The following PARD3B variants were observed in gnomAD, a reference collection of about 807,000 sequenced individuals.
PARD3B encodes partitioning defective 3 homolog B.
A neutral mutation model predicts 130.2 loss-of-function variants in PARD3B; 103 were observed. The observed-to-expected ratio is 0.79, with a 90% CI of 0.67 to 0.93. PARD3B has a LOEUF of 0.93. PARD3B is among the 40% of genes least tolerant of loss of function. The probability of loss-of-function intolerance (pLI) is 0.00; values close to 1 mark genes in which losing one functional copy is unlikely to be tolerated. For synonymous variants in PARD3B, 583 were observed against 553.2 expected, an observed-to-expected ratio of 1.05 and a Z score of -0.76; for missense variants, 1,609 against 1,499.2, an observed-to-expected ratio of 1.07 and a Z score of -1.21.
At chr2:205,531,129 A>G (rs2051571325) in intron 21 of PARD3B, among the ~76,000 whole-genome samples, 2 of 152,216 alleles carry the variant, frequency 1.3e-5, no homozygotes, top group African/African-American at 4.8e-5. Flanking sequence ...CTTCCAACGT[A>G]TGGAAGGGAC....
At chr2:204,712,224 A>C (rs1273166706) in intron 2 of PARD3B, among the ~76,000 whole-genome samples, 1 of 152,220 alleles carries the variant, frequency 6.6e-6, no homozygotes, top group East Asian at 1.9e-4. Flanking sequence ...TCTGCGAAGA[A>C]AGTTTGAACA....
intron 16 of PARD3B, among the ~76,000 whole-genome samples, chr2:205,289,108 T>C (rs1430043302): frequency 6.6e-6 from 1 of 152,220 alleles, no homozygotes; most frequent in African/African-American, 2.4e-5. Flanking sequence ...AGCATGTTAC[T>C]TCTTCATGAA....
intron 2 of PARD3B, among the ~76,000 whole-genome samples, chr2:204,728,346 C>T (rs2039333271): frequency 6.6e-6 from 1 of 152,046 alleles, no homozygotes; most frequent in Non-Finnish European, 1.5e-5. Context: ...TTAAGGAAGA[C>T]AAGGGCTTCA....
intron 2 of PARD3B, among the ~76,000 whole-genome samples, chr2:204,802,230 A>C (rs546690181): frequency 6.6e-6 from 1 of 152,348 alleles, no homozygotes; most frequent in African/African-American, 2.4e-5. Flanking sequence ...GCCAATAAAC[A>C]TATGAACAAA....
rs902661497 is a variant in PARD3B at position 205,498,268 on chromosome 2, G to A, written c.3045-1628G>A. ...TGTAATCCCAGTACTTTGGGAGGCC[G>A]AGGCGAGTGGATCACCTGAGGTCAG... On this transcript the variant is annotated intron_variant, in intron 20 of 22. Coordinates refer to ENST00000406610, the MANE Select transcript of PARD3B (RefSeq NM_001302769.2). Among the ~76,000 whole-genome samples, 15 of 151,496 alleles carry A rather than the reference G, an allele frequency of 9.9e-5. 1 individual carries two copies. The highest frequency in any genetic ancestry group is 4.6e-4 in the Admixed American group (7 of 15,232).
intron 18 of PARD3B, among the ~76,000 whole-genome samples, chr2:205,311,826 G>C (rs1309536766): frequency 1.3e-5 from 2 of 152,182 alleles, no homozygotes; most frequent in Non-Finnish European, 2.9e-5. Flanking sequence ...AATACAAATA[G>C]AAAGGGTCTC....
chr2:204,855,877 G>T (rs1475791255), intron 2 of PARD3B, among the ~76,000 whole-genome samples: 1 of 152,104 alleles, frequency 6.6e-6, no homozygotes, highest in African/African-American at 2.4e-5. Flanking sequence ...CCAAAGGATG[G>T]AATTTTTCTC....
chr2:205,368,957 T>G (rs1002487084), intron 18 of PARD3B, among the ~76,000 whole-genome samples: 1 of 152,182 alleles, frequency 6.6e-6, no homozygotes, highest in Admixed American at 6.5e-5. Flanking sequence ...CAAAAGTTAG[T>G]GTGCTTCATA....
At position 205,586,087 on chromosome 2, in the gene PARD3B, G is replaced by A. The variant is rs949023041; in HGVS notation, c.3261-29369G>A. Among the ~76,000 whole-genome samples the A allele has an allele frequency of 1.1e-4, 16 of 152,324 alleles. No homozygotes were observed. In the East Asian group the frequency reaches 2.7e-3, roughly 26 times the overall value. The stretch of plus-strand genomic sequence containing the variant: ...TAGTGTGTATTTATTTGCAATATAA[G>A]TAAGTTCATGATTTACCCATCTTGA... On this transcript the variant is annotated intron_variant, in intron 22 of 22. Transcript: ENST00000406610.
intron 21 of PARD3B, among the ~76,000 whole-genome samples, chr2:205,534,130 A>C (rs2051731595): frequency 6.6e-6 from 1 of 151,916 alleles, no homozygotes; most frequent in Non-Finnish European, 1.5e-5. Flanking sequence ...TCACTTGATC[A>C]AATAAATGTT....
chr2:205,033,165 C>CA (rs1231565413), intron 3 of PARD3B, among the ~76,000 whole-genome samples: 2 of 152,116 alleles, frequency 1.3e-5, no homozygotes, highest in African/African-American at 4.8e-5. Context: ...TGAGCCATCC[C>CA]AAATGTGCAC....
intron 1 of PARD3B, among the ~76,000 whole-genome samples, chr2:204,611,284 A>G (rs546854082): frequency 4.6e-5 from 7 of 152,274 alleles, no homozygotes; most frequent in African/African-American, 1.7e-4. Flanking sequence ...CCTCTATGGT[A>G]CTTACTTAGA....
chr2:205,274,296 G>A lies in PARD3B; in HGVS notation c.2186-26234G>A, dbSNP rs2040854097. Reference sequence around the variant, plus strand: ...CCTTCACTATAGCATATTGGTATTAGGATATACTATATACTTGAAACTTAG... The same window carrying A: ...CCTTCACTATAGCATATTGGTATTAAGATATACTATATACTTGAAACTTAG... On this transcript the variant is annotated intron_variant, in intron 16 of 22. Transcript: ENST00000406610. The surrounding 1 kb of genome is among the most constrained non-coding windows in gnomAD (Gnocchi z 4.2). 6.6e-6 allele frequency among the ~76,000 whole-genome samples: 1 copy of A among 151,938 alleles called. No individual in the cohort carries two copies. Among genetic ancestry groups the A allele is most frequent in the South Asian group, 2.1e-4 (1 of 4,822 alleles).
At chr2:205,557,192 A>G (rs1207675120) in intron 22 of PARD3B, among the ~76,000 whole-genome samples, 1 of 152,160 alleles carries the variant, frequency 6.6e-6, no homozygotes, top group Admixed American at 6.5e-5. Context: ...AGGTTGCTGG[A>G]GAGACTCGTA....
chr2:204,583,176 G>A (rs2032651447), intron 1 of PARD3B, among the ~76,000 whole-genome samples: 2 of 130,442 alleles, frequency 1.5e-5, no homozygotes, highest in Admixed American at 1.6e-4. Context: ...ACATGCACAC[G>A]TATGTTTATT....
chr2:205,245,667 C>A (rs972617657), intron 15 of PARD3B, 111 bp from the exon 16 acceptor site: 11 of 820,838 alleles, frequency 1.3e-5, no homozygotes, highest in Middle Eastern at 2.4e-4. Context: ...TTTCTCAAAT[C>A]TCTGCCAGTA....
chr2:205,138,168 G>A (rs1363382055), intron 10 of PARD3B, among the ~76,000 whole-genome samples: 2 of 152,096 alleles, frequency 1.3e-5, no homozygotes, highest in African/African-American at 2.4e-5. Flanking sequence ...TCTTAATTCC[G>A]TTCATGAATT....
Position 205,575,195 on chromosome 2 carries a change from TATAG to T in PARD3B, c.3260+21800_3260+21803del, listed in dbSNP as rs1292851059. ...ACACATATATATCATATATATACAA[TATAG>T]ATAGATACACATACACACTGTTTTT... On this transcript the variant is annotated intron_variant, in intron 22 of 22. Coordinates refer to ENST00000406610, the MANE Select transcript of PARD3B (RefSeq NM_001302769.2). This position sits in a 1 kb window ranked among gnomAD's most constrained non-coding sequence, Gnocchi z 4.6. 6.6e-6 allele frequency among the ~76,000 whole-genome samples: 1 copy of T among 151,916 alleles called. No individual in the cohort carries two copies. Among genetic ancestry groups the T allele is most frequent in the African/African-American group, 2.4e-5 (1 of 41,358 alleles).
chr2:204,727,828 T>C (rs1382475581), intron 2 of PARD3B, among the ~76,000 whole-genome samples: 1 of 152,130 alleles, frequency 6.6e-6, no homozygotes, highest in Non-Finnish European at 1.5e-5. Flanking sequence ...TTTGGCCCTC[T>C]GATGTCGAAA....
Sources: gnomAD v4.1 joint callset for allele counts (sites outside exome capture counted in the v4.1 genomes callset) on GRCh38, gnomAD v4.1.1 for gene constraint, Gnocchi (gnomAD v3.1) non-coding constraint, MANE v1.5 for transcripts, NCBI Gene and HGNC (gene_info 2026-07-23, HGNC 2026-07-21) for gene names.